Variants in BLVRA observed in about 807,000 individuals in gnomAD.
BLVRA encodes biliverdin reductase A.
Under a neutral mutation model 32.8 loss-of-function variants are expected in BLVRA, and 22 were observed. That is an observed-to-expected ratio of 0.67 (90% CI 0.48 to 0.96). BLVRA has a LOEUF of 0.96. BLVRA is among the 40% of genes least tolerant of loss of function. The pLI is 0.00. For synonymous variants in BLVRA, 119 were observed against 141.3 expected, an observed-to-expected ratio of 0.84 and a Z score of 1.12; for missense variants, 323 against 358.1, an observed-to-expected ratio of 0.90 and a Z score of 0.79.
intron 7 of BLVRA, among the ~76,000 whole-genome samples, chr7:43,804,166 G>T (rs2095801739): frequency 6.6e-6 from 1 of 152,260 alleles, no homozygotes; most frequent in South Asian, 2.1e-4. Flanking sequence ...CCTTGGCTGG[G>T]CGTGGTGGCT....
At chr7:43,780,388 C>A (rs754313405) in intron 2 of BLVRA, among the ~76,000 whole-genome samples, 1 of 152,142 alleles carries the variant, frequency 6.6e-6, no homozygotes, top group Non-Finnish European at 1.5e-5. Flanking sequence ...TATGTGACAC[C>A]ATACTGTACC....
intron 2 of BLVRA, among the ~76,000 whole-genome samples, chr7:43,774,159 C>A (rs972417656): frequency 1.3e-5 from 2 of 152,168 alleles, no homozygotes; most frequent in Admixed American, 6.5e-5. Context: ...TCCCATTTGT[C>A]CATTTTGGCT....
At chr7:43,773,368 T>C (rs994167119) in intron 2 of BLVRA, among the ~76,000 whole-genome samples, 2 of 150,410 alleles carry the variant, frequency 1.3e-5, no homozygotes, top group Non-Finnish European at 3.0e-5. Flanking sequence ...AATTCCCACC[T>C]ATCAGTGAGA....
intron 2 of BLVRA, among the ~76,000 whole-genome samples, chr7:43,780,077 G>A (rs990962103): frequency 6.6e-6 from 1 of 151,958 alleles, no homozygotes; most frequent in African/African-American, 2.4e-5. Flanking sequence ...TCACTATGTT[G>A]GCCAGGCTGG....
intron 2 of BLVRA, among the ~76,000 whole-genome samples, chr7:43,773,787 C>T (rs1162602108): frequency 2.0e-5 from 3 of 152,198 alleles, no homozygotes; most frequent in Admixed American, 1.3e-4. Context: ...TCTCCACATC[C>T]TCTCCAGCAC....
rs534938217 is a variant in BLVRA, at chr7:43,796,858, A to T, written c.353-3607A>T. ...AAAGAACTCTACAACTCAACAACAA[A>T]CAAACCAAATAAACTGATTTTAAAA... On this transcript the variant is annotated intron_variant, in intron 5 of 7. Coordinates refer to ENST00000265523, the MANE Select transcript of BLVRA (RefSeq NM_000712.4). Among the ~76,000 whole-genome samples, 8 of 152,326 alleles carry T rather than the reference A, an allele frequency of 5.3e-5. No homozygotes were observed. The East Asian group carries it at 1.5e-3, about 29-fold the overall frequency.
chr7:43,759,234 C>G (rs945356737), intron 1 of BLVRA, among the ~76,000 whole-genome samples: 7 of 152,266 alleles, frequency 4.6e-5, no homozygotes, highest in Admixed American at 6.5e-5. Context: ...CTCCTAGCCC[C>G]GCTTTCGTTT....
intron 3 of BLVRA, 51 bp from the exon 4 acceptor site, chr7:43,791,198 T>C: frequency 6.2e-7 from 1 of 1,610,664 alleles, no homozygotes; most frequent in Non-Finnish European, 8.5e-7. Context: ...AGGATGGTGC[T>C]CCTTTCTTCT....
intron 7 of BLVRA, 105 bp from the exon 8 acceptor site, chr7:43,806,872 G>T: frequency 7.6e-7 from 1 of 1,322,246 alleles, no homozygotes; most frequent in East Asian, 2.3e-5. Flanking sequence ...CAAGGAGGAT[G>T]GGTGCCTGAC....
At chr7:43,761,200 A>G (rs62461108) in intron 1 of BLVRA, among the ~76,000 whole-genome samples, 63 of 152,346 alleles carry the variant, frequency 4.1e-4, no homozygotes, top group South Asian at 8.3e-4. Flanking sequence ...CCAAAGTACA[A>G]TGCCCCAAAT....
intron 4 of BLVRA, among the ~76,000 whole-genome samples, chr7:43,792,334 T>C (rs2095787069): frequency 6.6e-6 from 1 of 152,254 alleles, no homozygotes; most frequent in East Asian, 1.9e-4. Flanking sequence ...TGAAATCTTT[T>C]CAGACTGCCT....
intron 1 of BLVRA, among the ~76,000 whole-genome samples, 197 bp from the exon 2 acceptor site, chr7:43,770,941 G>C (rs1236592230): frequency 6.6e-6 from 1 of 152,190 alleles, no homozygotes; most frequent in African/African-American, 2.4e-5. Context: ...TCCCAGGGAA[G>C]TCAGCTACCA....
At chr7:43,788,158 G>A (rs1585730934) in intron 3 of BLVRA, 133 bp downstream of exon 3, 1 of 1,509,580 alleles carries the variant, frequency 6.6e-7, no homozygotes, top group African/African-American at 1.4e-5. Context: ...CTTAGGGTCA[G>A]CCCCATAAGA....
Position 43,803,820 on chromosome 7 carries a change from C to T in BLVRA, c.605C>T (p.Thr202Ile), listed in dbSNP as rs770789238. Residue 202 changes from threonine to isoleucine, a missense_variant, in exon 7 of 8, where the codon ACA becomes ATA. Coordinates refer to ENST00000265523, the MANE Select transcript of BLVRA (RefSeq NM_000712.4). ...AAGGAAGATCAGTATATGAAAATGA[C>T]AGTGTGTCTGGAGACAGAGAAGAAA... The part of the protein sequence containing the change: ...ERKEDQYMKM[T>I]VCLETEKKSP... 1 of 1,614,068 alleles carries T rather than the reference C, an allele frequency of 6.2e-7. No individual in the cohort carries two copies. The highest frequency in any genetic ancestry group is 1.1e-5 in the South Asian group (1 of 91,078).
intron 5 of BLVRA, among the ~76,000 whole-genome samples, chr7:43,794,485 A>G (rs2095789620): frequency 6.6e-6 from 1 of 152,342 alleles, no homozygotes; most frequent in Admixed American, 6.5e-5. Flanking sequence ...CTGTAATCCC[A>G]GGACTTGGGG....
At chr7:43,801,408 A>G (rs1345929891) in intron 6 of BLVRA, among the ~76,000 whole-genome samples, 1 of 152,148 alleles carries the variant, frequency 6.6e-6, no homozygotes, top group African/African-American at 2.4e-5. Flanking sequence ...TCTTGTGGCC[A>G]CTTTTGGATG....
chr7:43,793,513 C>A (rs1239806328), intron 5 of BLVRA, among the ~76,000 whole-genome samples: 1 of 152,122 alleles, frequency 6.6e-6, no homozygotes, highest in East Asian at 1.9e-4. Flanking sequence ...CCAGGCCAGA[C>A]GCAGTGGCTC....
chr7:43,794,933 G>C (rs1030224313), intron 5 of BLVRA, among the ~76,000 whole-genome samples: 1 of 152,070 alleles, frequency 6.6e-6, no homozygotes, highest in African/African-American at 2.4e-5. Context: ...TTATGCAGTC[G>C]GGTGTGGTGG....
intron 3 of BLVRA, among the ~76,000 whole-genome samples, chr7:43,789,926 C>T (rs2095783526): frequency 6.6e-6 from 1 of 151,718 alleles, no homozygotes; most frequent in Non-Finnish European, 1.5e-5. Context: ...TGACTGAGCT[C>T]ATTGAAAGGC....
Sources: allele counts gnomAD v4.1 joint callset (sites outside exome capture counted in the v4.1 genomes callset), GRCh38; gene constraint gnomAD v4.1.1; transcripts MANE v1.5; gene names NCBI Gene and HGNC (gene_info 2026-07-23, HGNC 2026-07-21).